Variants in UTP14A observed in about 807,000 individuals in gnomAD.
UTP14A encodes U3 small nucleolar RNA-associated protein 14 homolog A.
A neutral mutation model predicts 57.2 loss-of-function variants in UTP14A; 5 were observed. That is an observed-to-expected ratio of 0.09 (90% CI 0.05 to 0.18). UTP14A has a LOEUF of 0.18. Among genes scored for constraint, UTP14A ranks in the 10% least tolerant of loss-of-function variants. UTP14A has a pLI of 1.00. For synonymous variants in UTP14A, 169 were observed against 210.9 expected (o/e 0.80, Z 1.72); for missense variants, 430 against 562.1 (o/e 0.76, Z 2.38).
rs778770915 is a variant in UTP14A, at chrX:129,919,337, G to A, written c.657+43G>A. The A allele has an allele frequency of 5.1e-5, 62 of 1,209,313 alleles. No individual in the cohort carries two copies. The South Asian group carries it at 9.9e-4, about 19-fold the overall frequency. Reference sequence around the variant, plus strand: ...CCTTCAGCACACCCAGGCATGCCACGCTTCTCCTAGCATTTGTCCTCTGGC... The same window carrying A: ...CCTTCAGCACACCCAGGCATGCCACACTTCTCCTAGCATTTGTCCTCTGGC... On this transcript the variant is annotated intron_variant, in intron 7 of 14. Coordinates refer to ENST00000394422, the MANE Select transcript of UTP14A (RefSeq NM_006649.4).
intron 12 of UTP14A, 127 bp from the exon 13 acceptor site, chrX:129,925,792 G>C (rs775294867): frequency 1.2e-6 from 1 of 848,255 alleles, no homozygotes; most frequent in Non-Finnish European, 1.7e-6. Context: ...GGTTTGTATC[G>C]CAAGACCATC....
chrX:129,907,249 C>T, intron 1 of UTP14A, 118 bp from the exon 2 acceptor site: 1 of 558,781 alleles, frequency 1.8e-6, no homozygotes. Flanking sequence ...TTAGACATTG[C>T]TTCAAATAAT....
intron 6 of UTP14A, among the ~76,000 whole-genome samples, chrX:129,913,567 T>G (rs770875402): frequency 8.9e-6 from 1 of 111,987 alleles, no homozygotes; most frequent in Admixed American, 9.6e-5. Context: ...TATATTCATG[T>G]TTACCTCCTT....
rs2124211543 is a variant in UTP14A at position 129,920,769 on chromosome X, G to T, written c.954+17G>T. 1.7e-6 allele frequency: 2 copies of T among 1,209,937 alleles called. No homozygotes were observed. Among genetic ancestry groups the T allele is most frequent in the South Asian group, 1.8e-5 (1 of 56,820 alleles). On this transcript the variant is annotated intron_variant, in intron 10 of 14. Transcript: ENST00000394422. ...GACCTGGAGGTAAGAGACCCTTGGG[G>T]TGAGAGAAGATCTGGAATTGGAGGA...
In UTP14A at chrX:129,924,984, A is replaced by C; in HGVS notation, c.1538A>C (p.Glu513Ala). ...QRPERVQTLE[E>A]LEELGKEECF... ...CCAGAGAGAGTACAGACGCTGGAAG[A>C]GCTAGAAGAGCTGGGAAAAGAAGAA... Residue 513 changes from glutamate (E) to alanine (A), a missense_variant, in exon 12 of 15, where the codon GAG (glutamate) becomes GCG (alanine). Around this residue, in one of 4 missense-constraint regions of UTP14A, gnomAD observed 120 missense variants for 116.8 expected, o/e 1.03. Coordinates refer to ENST00000394422, the MANE Select transcript of UTP14A (RefSeq NM_006649.4). The C allele has an allele frequency of 1.7e-6, 2 of 1,211,395 alleles. No individual in the cohort carries two copies. The highest frequency in any genetic ancestry group is 2.2e-6 in the Non-Finnish European group (2 of 895,470).
intron 6 of UTP14A, among the ~76,000 whole-genome samples, chrX:129,918,123 C>A (rs1207309576): frequency 9.0e-6 from 1 of 111,309 alleles, no homozygotes; most frequent in African/African-American, 3.3e-5. Flanking sequence ...GCTGGGCTCA[C>A]GCCTGTAATC....
At chrX:129,925,335 C>T in intron 12 of UTP14A, 140 bp downstream of exon 12, 8 of 832,523 alleles carry the variant, frequency 9.6e-6, no homozygotes, top group East Asian at 3.2e-5. Flanking sequence ...GTCCCAGTGA[C>T]GTTTTAATAG....
At chrX:129,912,003 G>A (rs1189618636) in intron 6 of UTP14A, 82 bp downstream of exon 6, 1 of 1,115,166 alleles carries the variant, frequency 9.0e-7, no homozygotes. Context: ...GATTGGACAT[G>A]TTAAGCTAAA....
intron 6 of UTP14A, among the ~76,000 whole-genome samples, chrX:129,916,436 A>G (rs187382317): frequency 3.4e-4 from 38 of 111,030 alleles, no homozygotes; most frequent in African/African-American, 1.2e-3. Context: ...AGTTAACAGC[A>G]TAACTCCCTA....
rs750888297 is a variant in UTP14A, at chrX:129,929,531, C to G, written c.2239C>G (p.Leu747Val). Residue 747 changes from leucine (L) to valine (V), a missense_variant, in exon 15 of 15, where the codon CTG (leucine) becomes GTG (valine). Leu to Val is a conservative substitution (Grantham distance 32). Coordinates refer to ENST00000394422, the MANE Select transcript of UTP14A (RefSeq NM_006649.4). The stretch of plus-strand genomic sequence containing the variant: ...CTACCGGTCTTCCTCAAGGTCGGAC[C>G]TGTCTGTCATACAGAGGAATCCAAA... Reference protein sequence around the residue: ...VGYRSSSRSDLSVIQRNPKRI... With the variant: ...VGYRSSSRSDVSVIQRNPKRI... 1.7e-6 allele frequency: 2 copies of G among 1,211,684 alleles called. No homozygotes were observed. The highest frequency in any genetic ancestry group is 4.3e-5 in the Admixed American group (2 of 46,009).
At chrX:129,911,948 G>C (rs1242457794) in intron 6 of UTP14A, 27 bp downstream of exon 6, 1 of 1,202,329 alleles carries the variant, frequency 8.3e-7, no homozygotes, top group African/African-American at 1.7e-5. Context: ...GAAACTGAAA[G>C]GTGAGATTTT....
chrX:129,908,090 A>G lies in UTP14A; in HGVS notation c.133A>G (p.Lys45Glu), dbSNP rs148845598. The G allele has an allele frequency of 1.1e-4, 132 of 1,207,132 alleles. No homozygotes were observed. Among genetic ancestry groups the G allele is most frequent in the Non-Finnish European group, 1.4e-4 (129 of 894,201 alleles). The change falls in exon 3 of 15, where the codon AAG becomes GAG. Residue 45 changes from lysine (K) to glutamate (E), a missense_variant. Coordinates refer to ENST00000394422, the MANE Select transcript of UTP14A (RefSeq NM_006649.4). The stretch of plus-strand genomic sequence containing the variant: ...CAATGATGGAGAGAGAAAGCATCAA[A>G]AGCTTCTGGAAGCAATCAGTTCCCT... ...GDNDGERKHQKLLEAISSLDG... is the reference protein window; with the variant it reads ...GDNDGERKHQELLEAISSLDG...
chrX:129,911,572 A>G (rs1162911101), intron 5 of UTP14A, among the ~76,000 whole-genome samples, 194 bp from the exon 6 acceptor site: 1 of 111,305 alleles, frequency 9.0e-6, no homozygotes, highest in East Asian at 2.8e-4. Context: ...CTCCATCTAA[A>G]TAATAATAAT....
In UTP14A at chrX:129,921,695, C is replaced by T. The variant is rs1378706447; in HGVS notation, c.1348+108C>T. On this transcript the variant is annotated intron_variant, in intron 11 of 14. Transcript: ENST00000394422. Reference sequence around the variant, plus strand: ...CACAAAACTGCATAGTGATTAGGCGCTGGGGACTTGCAAGAGTGCGTACAC... The same window carrying T: ...CACAAAACTGCATAGTGATTAGGCGTTGGGGACTTGCAAGAGTGCGTACAC... The T allele has an allele frequency of 8.0e-6, 7 of 878,911 alleles. No individual in the cohort carries two copies. In the Admixed American group the frequency reaches 1.9e-4, roughly 24 times the overall value. The allele number at this position is 878,911 out of a possible 1,213,427, so 72.4% of individuals were successfully genotyped here. A position where few individuals can be genotyped will look rare whatever the true frequency, so the allele number is the denominator to read the frequency against.
At chrX:129,918,396 C>CAAAAAA (rs766869516) in intron 6 of UTP14A, among the ~76,000 whole-genome samples, 6 of 49,482 alleles carry the variant, frequency 1.2e-4, no homozygotes, top group Admixed American at 2.7e-4. Flanking sequence ...TCTCAGAAAA[C>CAAAAAA]AAAAAAAAAA....
At chrX:129,928,102 C>T (rs757944620) in intron 14 of UTP14A, among the ~76,000 whole-genome samples, 70 of 109,591 alleles carry the variant, frequency 6.4e-4, no homozygotes, top group African/African-American at 2.1e-3. Flanking sequence ...CTAAGTGGGC[C>T]GGGCATGGTG....
In UTP14A at chrX:129,929,322, T is replaced by G; in HGVS notation, c.2044-14T>G. 8.3e-7 allele frequency: 1 copy of G among 1,206,858 alleles called. No individual in the cohort carries two copies. The highest frequency in any genetic ancestry group is 1.1e-6 in the Non-Finnish European group (1 of 892,443). On this transcript the variant is annotated splice_polypyrimidine_tract_variant and intron_variant, in intron 14 of 14. Coordinates refer to ENST00000394422, the MANE Select transcript of UTP14A (RefSeq NM_006649.4). ...AGGCCTGCCTCATACCAAATCATTC[T>G]CCTTCCTTTCCAGGTACGAGTGCTT...
intron 14 of UTP14A, among the ~76,000 whole-genome samples, chrX:129,927,450 T>C (rs1165458691): frequency 8.9e-6 from 1 of 111,925 alleles, no homozygotes; most frequent in African/African-American, 3.3e-5. Flanking sequence ...GACCACCTGA[T>C]AGTACTTAGC....
At chrX:129,924,536 CG>C (rs1339426580) in intron 11 of UTP14A, among the ~76,000 whole-genome samples, 1 of 108,887 alleles carries the variant, frequency 9.2e-6, no homozygotes, top group Non-Finnish European at 1.9e-5. Flanking sequence ...CTGCCCGCCT[CG>C]GCCTCCCAAA....
Sources: gnomAD v4.1 joint callset for allele counts (sites outside exome capture counted in the v4.1 genomes callset) on GRCh38, gnomAD v4.1.1 for gene constraint, gnomAD v4.1.1 regional missense constraint, MANE v1.5 for transcripts, NCBI Gene and HGNC (gene_info 2026-07-23, HGNC 2026-07-21) for gene names.